HMGN3: variants seen among roughly 807,000 people sequenced by gnomAD.
HMGN3 encodes the protein high mobility group nucleosome-binding domain-containing protein 3.
A neutral mutation model predicts 18.8 loss-of-function variants in HMGN3; 6 were observed. The ratio of observed to expected loss-of-function variants is 0.32; its 90% CI spans 0.18 to 0.63. The LOEUF (loss-of-function observed/expected upper bound fraction) is 0.63, where lower values mean the gene tolerates loss of function less well. Among genes scored for constraint, HMGN3 ranks in the 30% least tolerant of loss-of-function variants. HMGN3 has a pLI of 0.79. For synonymous variants in HMGN3, 40 were observed against 36.5 expected (o/e 1.10, Z -0.35); for missense variants, 107 against 114.2 (o/e 0.94, Z 0.29).
At chr6:79,202,672 T>TCCC (rs902838455) in intron 4 of HMGN3, among the ~76,000 whole-genome samples, 2 of 152,054 alleles carry the variant, frequency 1.3e-5, no homozygotes, top group Admixed American at 6.6e-5. Flanking sequence ...TCAGTGGACC[T>TCCC]CCCCTCCAGT....
At chr6:79,209,021 A>T (rs1369238504) in intron 2 of HMGN3, among the ~76,000 whole-genome samples, 4 of 152,344 alleles carry the variant, frequency 2.6e-5, no homozygotes, top group Admixed American at 6.5e-5. Context: ...TTGTGTAGAA[A>T]CCAAAATAGC....
At chr6:79,230,190 C>T (rs1333652500) in intron 1 of HMGN3, among the ~76,000 whole-genome samples, 1 of 152,128 alleles carries the variant, frequency 6.6e-6, no homozygotes, top group East Asian at 1.9e-4. Flanking sequence ...TCACAAAAGA[C>T]TACATATTGT....
intron 3 of HMGN3, among the ~76,000 whole-genome samples, chr6:79,204,401 T>G (rs1206117730): frequency 6.6e-6 from 1 of 152,228 alleles, no homozygotes; most frequent in African/African-American, 2.4e-5. Flanking sequence ...GCACACCGTG[T>G]GACCATGGAC....
intron 5 of HMGN3, 65 bp downstream of exon 6, chr6:79,201,998 A>C (rs1034461390): frequency 4.1e-5 from 61 of 1,480,430 alleles, no homozygotes; most frequent in South Asian, 1.2e-4. Context: ...AAAAAAAAAA[A>C]CCACCACACT....
chr6:79,233,687 C>A (rs113953343), intron 1 of HMGN3: 4,147 of 152,322 alleles, frequency 0.027, 82 homozygotes, highest in Middle Eastern at 0.054. Flanking sequence ...AGTTGGTGTC[C>A]GGGGCCTGCG....
At chr6:79,234,375 G>T in intron 1 of HMGN3, 171 bp downstream of exon 1, 1 of 516,258 alleles carries the variant, frequency 1.9e-6, no homozygotes, top group Non-Finnish European at 3.5e-6. Context: ...GTGGGTAGGG[G>T]GGACAGAGAG....
At chr6:79,214,480 C>T (rs1002182492) in intron 2 of HMGN3, among the ~76,000 whole-genome samples, 1 of 152,154 alleles carries the variant, frequency 6.6e-6, no homozygotes, top group Non-Finnish European at 1.5e-5. Flanking sequence ...GGATTACAGG[C>T]GTGAGCCACT....
chr6:79,211,612 AG>A (rs1167561637), intron 2 of HMGN3, among the ~76,000 whole-genome samples: 10 of 151,752 alleles, frequency 6.6e-5, no homozygotes, highest in Non-Finnish European at 1.0e-4. Context: ...GCTCTCAGGG[AG>A]GGAAGGAGGG....
At chr6:79,228,402 C>A (rs918119096) in intron 1 of HMGN3, among the ~76,000 whole-genome samples, 7 of 152,264 alleles carry the variant, frequency 4.6e-5, no homozygotes, top group Admixed American at 3.3e-4. Flanking sequence ...TTTACTCAAA[C>A]ATAGATTCCA....
chr6:79,215,068 C>G, intron 1 of HMGN3, 46 bp from the exon 2 acceptor site: 1 of 1,092,606 alleles, frequency 9.2e-7, no homozygotes, highest in Non-Finnish European at 1.4e-6. Flanking sequence ...TTGGAAAACA[C>G]ACATTAGAAA....
At chr6:79,201,445 A>G (rs1776128847) in exon 6 of HMGN3, 3 of 483,690 alleles carry the variant, frequency 6.2e-6, no homozygotes, top group Admixed American at 3.6e-5. Flanking sequence ...AAGCAAGTGC[A>G]TGGAATGCTG....
At chr6:79,208,787 T>C (rs1776544916) in intron 2 of HMGN3, among the ~76,000 whole-genome samples, 1 of 152,060 alleles carries the variant, frequency 6.6e-6, no homozygotes, top group African/African-American at 2.4e-5. Flanking sequence ...AAGGGGTAGG[T>C]ATACTGTTCA....
intron 1 of HMGN3, among the ~76,000 whole-genome samples, chr6:79,225,376 A>G (rs772240253): frequency 2.6e-5 from 4 of 152,222 alleles, no homozygotes; most frequent in Non-Finnish European, 5.9e-5. Flanking sequence ...ATAAAACATT[A>G]GTCAACTGGT....
At chr6:79,215,255 A>C (rs1776914464) in intron 1 of HMGN3, among the ~76,000 whole-genome samples, 1 of 152,226 alleles carries the variant, frequency 6.6e-6, no homozygotes, top group African/African-American at 2.4e-5. Flanking sequence ...TGAAAGAACT[A>C]TGTGATTCCC....
intron 4 of HMGN3, among the ~76,000 whole-genome samples, chr6:79,203,344 G>A (rs1487336995): frequency 3.3e-5 from 5 of 152,072 alleles, no homozygotes; most frequent in African/African-American, 4.8e-5. Flanking sequence ...AACCCCCTTC[G>A]GACATGAGGC....
Position 79,214,858 on chromosome 6 carries a change from A to G in HMGN3, c.66+114T>C, listed in dbSNP as rs1776892657. On this transcript the variant is annotated intron_variant, in intron 2 of 5. Transcript: ENST00000344726. ...GTAGTCTTAACAACCTTGATCATTC[A>G]TATTAAACTTTGTTCATACAATTGT... 4 of 672,416 alleles carry G rather than the reference A, an allele frequency of 5.9e-6. No individual in the cohort carries two copies. The South Asian group carries it at 7.1e-5, about 12-fold the overall frequency. The allele number at this position is 672,416 out of a possible 1,614,324, so 41.7% of individuals were successfully genotyped here.
chr6:79,202,338 T>C, exon 5 of HMGN3: 1 of 1,614,180 alleles, frequency 6.2e-7, no homozygotes, highest in Non-Finnish European at 8.5e-7. Flanking sequence ...GCTTCCTGCT[T>C]TTCCTCCTTC....
In HMGN3 at chr6:79,203,651, A is replaced by G. The variant is rs1174903449; in HGVS notation, c.97-21T>C. The G allele has an allele frequency of 2.0e-6, 3 of 1,517,398 alleles. No individual in the cohort carries two copies. In the Admixed American group the frequency reaches 6.3e-5, roughly 32 times the overall value. 94.0% of individuals were successfully genotyped at this position (1,517,398 alleles called of 1,614,324 possible). On this transcript the variant is annotated intron_variant, in intron 3 of 5. Transcript: ENST00000344726. ...GGTTTCTGCAAAGATAATTTAAATT[A>G]CACAAATACTGAAAAAAAAAAAAAA...
At chr6:79,202,531 T>C in intron 4 of HMGN3, 142 bp from the exon 5 acceptor site, 1 of 683,176 alleles carries the variant, frequency 1.5e-6, no homozygotes, top group Non-Finnish European at 2.6e-6. Context: ...GGGAGCCTAA[T>C]TTTGCTGGGT....
Sources: allele counts gnomAD v4.1 joint callset (sites outside exome capture counted in the v4.1 genomes callset), GRCh38; gene constraint gnomAD v4.1.1; transcripts MANE v1.5; gene names NCBI Gene and HGNC (gene_info 2026-07-23, HGNC 2026-07-21).